The following ANXA2 variants were observed in gnomAD, a reference collection of about 807,000 sequenced individuals.
ANXA2 encodes annexin II.
In ANXA2, 28 loss-of-function variants were observed where a neutral mutation model predicts 47.3. That is an observed-to-expected ratio of 0.59 (90% CI 0.44 to 0.81). The LOEUF (loss-of-function observed/expected upper bound fraction) is 0.81, where lower values mean the gene tolerates loss of function less well. Among genes scored for constraint, ANXA2 ranks in the 40% least tolerant of loss-of-function variants. The probability of loss-of-function intolerance (pLI) is 0.00; values close to 1 mark genes in which losing one functional copy is unlikely to be tolerated. For missense variants in ANXA2, 384 were observed against 414.3 expected (o/e 0.93, Z 0.64); for synonymous variants, 172 against 155.5 (o/e 1.11, Z -0.79).
chr15:60,385,085 A>C (rs1186398148), intron 2 of ANXA2, among the ~76,000 whole-genome samples: 1 of 152,252 alleles, frequency 6.6e-6, no homozygotes, highest in African/African-American at 2.4e-5. Context: ...AAAGAAACAA[A>C]TGCAACAGAA....
chr15:60,377,291 AT>A (rs1249673224), intron 3 of ANXA2, among the ~76,000 whole-genome samples: 1 of 152,252 alleles, frequency 6.6e-6, no homozygotes, highest in Non-Finnish European at 1.5e-5. Flanking sequence ...AAGGGTTGTT[AT>A]CCTTTCCAAC....
chr15:60,377,040 A>G (rs974791913), intron 3 of ANXA2, among the ~76,000 whole-genome samples: 1 of 152,250 alleles, frequency 6.6e-6, no homozygotes, highest in African/African-American at 2.4e-5. Context: ...TTTTGTTTCT[A>G]TCAATACTTG....
At chr15:60,379,108 G>T (rs534983507) in intron 3 of ANXA2, among the ~76,000 whole-genome samples, 1 of 151,808 alleles carries the variant, frequency 6.6e-6, no homozygotes, top group Non-Finnish European at 1.5e-5. Flanking sequence ...GTGAAACCCC[G>T]TCTCTACTAA....
intron 11 of ANXA2, 115 bp from the exon 12 acceptor site, chr15:60,349,312 C>T: frequency 2.4e-6 from 3 of 1,245,188 alleles, no homozygotes; most frequent in Non-Finnish European, 3.4e-6. Context: ...CTCCAAAATC[C>T]AAAACTTTTT....
chr15:60,397,300 G>T (rs1317439867), intron 1 of ANXA2: 1 of 985,458 alleles, frequency 1.0e-6, no homozygotes, highest in Non-Finnish European at 1.2e-6. Flanking sequence ...AAACTCTCCG[G>T]GTAGAGTGAA....
chr15:60,374,869 C>T (rs1279356829), intron 3 of ANXA2, among the ~76,000 whole-genome samples: 2 of 152,186 alleles, frequency 1.3e-5, no homozygotes, highest in East Asian at 3.8e-4. Flanking sequence ...CCCTCCCGTT[C>T]CCTTCCAGGA....
At chr15:60,348,156 T>C (rs1895810040) in intron 12 of ANXA2, among the ~76,000 whole-genome samples, 1 of 152,244 alleles carries the variant, frequency 6.6e-6, no homozygotes, top group Admixed American at 6.5e-5. Flanking sequence ...ACTGGTCCTT[T>C]GACTTTAAAC....
At chr15:60,359,072 C>CAAA (rs1390353951) in intron 5 of ANXA2, among the ~76,000 whole-genome samples, 5 of 152,276 alleles carry the variant, frequency 3.3e-5, no homozygotes, top group Non-Finnish European at 7.4e-5. Flanking sequence ...TGCCAGAAGT[C>CAAA]AAAACAGATT....
In ANXA2 at chr15:60,349,063, C is replaced by T. The variant is rs894459400; in HGVS notation, c.960+12G>A. 4 of 1,613,864 alleles carry T rather than the reference C, an allele frequency of 2.5e-6. No individual in the cohort carries two copies. On this transcript the variant is annotated intron_variant, in intron 12 of 12. Coordinates refer to ENST00000451270, the MANE Select transcript of ANXA2 (RefSeq NM_004039.3). ...GACGGCAGGGCAGGCTGACACTGCA[C>T]CTCGGGCTTACCTGGATATAATAGT...
Position 60,384,646 on chromosome 15 carries a change from T to C in ANXA2, c.48+1382A>G, listed in dbSNP as rs571664479. On this transcript the variant is annotated intron_variant, in intron 2 of 12. Coordinates refer to ENST00000451270, the MANE Select transcript of ANXA2 (RefSeq NM_004039.3). ...ATTTGTCTGACTTCAACATGCAGTTTGTATTGTTCCCAAAAACAGCATGCA... is the reference window on the plus strand; with the variant it reads ...ATTTGTCTGACTTCAACATGCAGTTCGTATTGTTCCCAAAAACAGCATGCA... The C allele has an allele frequency of 3.3e-5, 5 of 152,316 alleles. No individual in the cohort carries two copies. In the East Asian group the frequency reaches 7.7e-4, roughly 23 times the overall value. The allele number at this position is 152,316 out of a possible 1,614,324, so 9.4% of individuals were successfully genotyped here. A position where few individuals can be genotyped will look rare whatever the true frequency, so the allele number is the denominator to read the frequency against.
chr15:60,397,503 T>C (rs541749268), intron 1 of ANXA2, among the ~76,000 whole-genome samples: 48 of 152,168 alleles, frequency 3.2e-4, no homozygotes, highest in South Asian at 1.4e-3. Flanking sequence ...TTAGAGCAGA[T>C]GGGGGGCACT....
At chr15:60,381,561 A>G (rs2062859700) in intron 3 of ANXA2, among the ~76,000 whole-genome samples, 1 of 152,172 alleles carries the variant, frequency 6.6e-6, no homozygotes, top group South Asian at 2.1e-4. Flanking sequence ...ACCAGTTAGC[A>G]CTTTATTTGC....
chr15:60,364,190 A>G (rs550012419), intron 4 of ANXA2, among the ~76,000 whole-genome samples: 9 of 152,290 alleles, frequency 5.9e-5, no homozygotes, highest in African/African-American at 1.9e-4. Flanking sequence ...CGAGGGATCT[A>G]TGTTGTACAC....
intron 1 of ANXA2, chr15:60,393,638 C>G: frequency 1.0e-6 from 1 of 985,436 alleles, no homozygotes; most frequent in African/African-American, 1.7e-5. Flanking sequence ...TCTTAATTAG[C>G]TGACATCTGA....
In ANXA2 at chr15:60,390,479, C is replaced by T. The variant is rs573341804; in HGVS notation, c.-11-4393G>A. 69 of 506,922 alleles carry T rather than the reference C, an allele frequency of 1.4e-4. 1 individual carries two copies. Among genetic ancestry groups the T allele is most frequent in the Non-Finnish European group, 2.5e-4 (63 of 255,760 alleles). The allele number at this position is 506,922 out of a possible 1,614,324, so 31.4% of individuals were successfully genotyped here. A position where few individuals can be genotyped will look rare whatever the true frequency, so the allele number is the denominator to read the frequency against. On this transcript the variant is annotated intron_variant, in intron 1 of 12. Coordinates refer to ENST00000451270, the MANE Select transcript of ANXA2 (RefSeq NM_004039.3). Reference sequence around the variant, plus strand: ...CTCCCTGTATGCCCAGGGAAAGCGGCGTTATGACAAGAAGCAGAGTGACTA... The same window carrying T: ...CTCCCTGTATGCCCAGGGAAAGCGGTGTTATGACAAGAAGCAGAGTGACTA...
Position 60,349,185 on chromosome 15 carries a change from G to T in ANXA2, c.850C>A (p.Arg284=), listed in dbSNP as rs373320545. 6.2e-7 allele frequency: 1 copy of T among 1,613,864 alleles called. No individual in the cohort carries two copies. The highest frequency in any genetic ancestry group is 1.3e-5 in the African/African-American group (1 of 75,016). The change falls in exon 12 of 13, where the codon CGA becomes AGA. Residue 284 remains arginine, a synonymous_variant. Transcript: ENST00000451270. ...ATGATTCTGATCAGGACCTTATCTCGCGTCCCCTTGCCCTGAAAATCAAGT... is the reference window on the plus strand; with the variant it reads ...ATGATTCTGATCAGGACCTTATCTCTCGTCCCCTTGCCCTGAAAATCAAGT... ...LYDSMKGKGT[R]DKVLIRIMVS...
intron 6 of ANXA2, 22 bp downstream of exon 6, chr15:60,357,124 T>A: frequency 3.1e-6 from 5 of 1,609,152 alleles, no homozygotes; most frequent in Non-Finnish European, 4.3e-6. Flanking sequence ...AGAGGATGAA[T>A]CACAGAAATC....
intron 4 of ANXA2, chr15:60,363,029 C>CAAAAAAAAAAAAAAAAAAAAAAAA (rs55992595): frequency 1.4e-5 from 1 of 74,034 alleles, no homozygotes; most frequent in Non-Finnish European, 2.4e-5. Context: ...GACCCTGTCA[C>CAAAAAAAAAAAAAAAAAAAAAAAA]AAAAAAAAAA....
intron 1 of ANXA2, among the ~76,000 whole-genome samples, chr15:60,388,509 T>C (rs1324980503): frequency 6.6e-6 from 1 of 151,968 alleles, no homozygotes; most frequent in South Asian, 2.1e-4. Context: ...AATTTATATA[T>C]TGATCATATA....
Sources: gnomAD v4.1 joint callset for allele counts (sites outside exome capture counted in the v4.1 genomes callset) on GRCh38, gnomAD v4.1.1 for gene constraint, MANE v1.5 for transcripts, NCBI Gene and HGNC (gene_info 2026-07-23, HGNC 2026-07-21) for gene names.